Variants in DOCK7 observed in about 807,000 individuals in gnomAD.
The protein encoded by DOCK7 is dedicator of cytokinesis 7.
A neutral mutation model predicts 271.0 loss-of-function variants in DOCK7; 138 were observed. That is an observed-to-expected ratio of 0.51 (90% CI 0.44 to 0.59). The LOEUF (loss-of-function observed/expected upper bound fraction) is 0.59, where lower values mean the gene tolerates loss of function less well. Among genes scored for constraint, DOCK7 ranks in the 20% least tolerant of loss-of-function variants. The pLI is 0.00. For synonymous variants in DOCK7, 823 were observed against 876.1 expected, an observed-to-expected ratio of 0.94 and a Z score of 1.07; for missense variants, 2,066 against 2,592.4, an observed-to-expected ratio of 0.80 and a Z score of 4.41.
At chr1:62,604,071 T>C (rs1650567635) in intron 14 of DOCK7, 5 of 1,613,320 alleles carry the variant, frequency 3.1e-6, no homozygotes, top group South Asian at 2.2e-5. Flanking sequence ...AAACATTATA[T>C]TGAATATTCT....
At chr1:62,469,533 G>A (rs1333455432) in intron 48 of DOCK7, among the ~76,000 whole-genome samples, 6 of 152,088 alleles carry the variant, frequency 3.9e-5, no homozygotes, top group Non-Finnish European at 2.9e-5. Context: ...GAACTCAAAA[G>A]CAAATGCAAT....
intron 7 of DOCK7, among the ~76,000 whole-genome samples, chr1:62,639,184 C>T (rs1655664705): frequency 6.6e-6 from 1 of 151,934 alleles, no homozygotes; most frequent in Non-Finnish European, 1.5e-5. Context: ...CAAAACTGTC[C>T]TGCCTCTTTT....
At chr1:62,485,304 AAAGACT>A (rs1646260634) in intron 43 of DOCK7, 1 of 985,284 alleles carries the variant, frequency 1.0e-6, no homozygotes, top group African/African-American at 1.7e-5. Flanking sequence ...TTTGCATGGT[AAAGACT>A]TTACTGAAAT....
At chr1:62,545,693 C>A (rs1390336420) in intron 22 of DOCK7, among the ~76,000 whole-genome samples, 11 of 152,172 alleles carry the variant, frequency 7.2e-5, no homozygotes, top group Middle Eastern at 3.4e-3. Flanking sequence ...TATGCTGGGG[C>A]TGTTTATAGG....
At chr1:62,561,778 T>C (rs1413130680) in intron 18 of DOCK7, 75 bp from the exon 19 acceptor site, 10 of 800,288 alleles carry the variant, frequency 1.2e-5, no homozygotes, top group African/African-American at 1.8e-5. Context: ...AAAATTACAA[T>C]ATCCCAATGA....
chr1:62,678,570 C>A (rs1307369211), intron 1 of DOCK7, among the ~76,000 whole-genome samples: 1 of 152,046 alleles, frequency 6.6e-6, no homozygotes, highest in African/African-American at 2.4e-5. Context: ...TCATTTCTCC[C>A]CTGAATTAAC....
chr1:62,601,520 G>A (rs1650117484), intron 14 of DOCK7, among the ~76,000 whole-genome samples: 1 of 151,524 alleles, frequency 6.6e-6, no homozygotes, highest in South Asian at 2.1e-4. Flanking sequence ...AAGGTCACTG[G>A]ACTCCAGACT....
intron 14 of DOCK7, among the ~76,000 whole-genome samples, chr1:62,589,848 C>T (rs1243615308): frequency 6.7e-6 from 1 of 148,252 alleles, no homozygotes; most frequent in Non-Finnish European, 1.5e-5. Flanking sequence ...CGCCACTGCA[C>T]TCCAGCCTGG....
intron 31 of DOCK7, among the ~76,000 whole-genome samples, chr1:62,520,196 C>G (rs1336940305): frequency 3.5e-4 from 53 of 152,022 alleles, no homozygotes; most frequent in Non-Finnish European, 6.5e-4. Flanking sequence ...CATGGGCAAA[C>G]ACTTCATGAC....
chr1:62,467,366 CAGA>C (rs1325407895), intron 48 of DOCK7, among the ~76,000 whole-genome samples: 2 of 152,190 alleles, frequency 1.3e-5, no homozygotes, highest in Non-Finnish European at 2.9e-5. Flanking sequence ...CAGGAATTAA[CAGA>C]AGATGACTTG....
At chr1:62,608,352 C>T (rs997208961) in intron 14 of DOCK7, 1 of 152,190 alleles carries the variant, frequency 6.6e-6, no homozygotes, top group Non-Finnish European at 1.5e-5. Context: ...TCAAAACGAT[C>T]TACTTTTAAA....
chr1:62,600,577 G>T (rs944734770), intron 14 of DOCK7, among the ~76,000 whole-genome samples: 1 of 151,594 alleles, frequency 6.6e-6, no homozygotes, highest in African/African-American at 2.4e-5. Flanking sequence ...TGAATATATA[G>T]AAAGTAAGCA....
chr1:62,471,163 A>C (rs1336746577), intron 48 of DOCK7, among the ~76,000 whole-genome samples: 1 of 152,218 alleles, frequency 6.6e-6, no homozygotes, highest in Non-Finnish European at 1.5e-5. Context: ...TACATATAAC[A>C]TAAAAACTAT....
At chr1:62,485,006 C>T (rs549076469) in intron 43 of DOCK7, 144 of 305,234 alleles carry the variant, frequency 4.7e-4, no homozygotes, top group African/African-American at 3.1e-3. Flanking sequence ...TGGTGGCATG[C>T]GCCTACAGTC....
chr1:62,571,714 A>C (rs1295324461), intron 18 of DOCK7, among the ~76,000 whole-genome samples: 1 of 152,226 alleles, frequency 6.6e-6, no homozygotes, highest in Non-Finnish European at 1.5e-5. Context: ...GTGGAATACT[A>C]CGCAGCAATA....
At chr1:62,664,646 C>T (rs543560700) in intron 1 of DOCK7, among the ~76,000 whole-genome samples, 66 of 152,058 alleles carry the variant, frequency 4.3e-4, no homozygotes, top group Non-Finnish European at 9.4e-4. Context: ...TCAATTATAA[C>T]AAATGTACCA....
chr1:62,573,100 G>A (rs541252578), intron 18 of DOCK7, among the ~76,000 whole-genome samples: 20 of 152,282 alleles, frequency 1.3e-4, no homozygotes, highest in Non-Finnish European at 2.4e-4. Flanking sequence ...TCAGTAGCAT[G>A]GAGGAGGGAA....
chr1:62,623,762 C>T (rs1163630097), intron 12 of DOCK7, among the ~76,000 whole-genome samples: 1 of 152,192 alleles, frequency 6.6e-6, no homozygotes, highest in Non-Finnish European at 1.5e-5. Context: ...TTACTACTGT[C>T]CATAATAAAA....
At position 62,593,162 on chromosome 1, in the gene DOCK7, T is replaced by C. The variant is rs533001474; in HGVS notation, c.1683-6538A>G. 7.2e-5 allele frequency among the ~76,000 whole-genome samples: 11 copies of C among 152,326 alleles called. No homozygotes were observed. The East Asian group carries it at 1.9e-3, about 27-fold the overall frequency. On this transcript the variant is annotated intron_variant, in intron 14 of 49. Coordinates refer to ENST00000635253, the MANE Select transcript of DOCK7 (RefSeq NM_001367561.1). The stretch of plus-strand genomic sequence containing the variant: ...ATCCCACTTGTGTTATAAAAAATTA[T>C]GTTTAGTCATTCAAAGGGTCTGGTA...
Sources: gnomAD v4.1 joint callset for allele counts (sites outside exome capture counted in the v4.1 genomes callset) on GRCh38, gnomAD v4.1.1 for gene constraint, MANE v1.5 for transcripts, NCBI Gene and HGNC (gene_info 2026-07-23, HGNC 2026-07-21) for gene names.